Variants in TRPM8 observed in about 807,000 individuals in gnomAD.
The protein encoded by TRPM8 is TRPM8 cationic channel.
In TRPM8, 110 loss-of-function variants were observed where a neutral mutation model predicts 133.7. The ratio of observed to expected loss-of-function variants is 0.82; its 90% CI spans 0.70 to 0.96. The LOEUF (loss-of-function observed/expected upper bound fraction) is 0.96, where lower values mean the gene tolerates loss of function less well. Ranked by LOEUF, TRPM8 falls within the 40% of genes least tolerant of loss-of-function variation. The probability of loss-of-function intolerance (pLI) is 0.00; values close to 1 mark genes in which losing one functional copy is unlikely to be tolerated. For synonymous variants in TRPM8, 535 were observed against 532.3 expected, an observed-to-expected ratio of 1.01 and a Z score of -0.07; for missense variants, 1,291 against 1,379.5, an observed-to-expected ratio of 0.94 and a Z score of 1.02.
At chr2:233,947,399 C>T in intron 8 of TRPM8, 7 of 1,501,170 alleles carry the variant, frequency 4.7e-6, no homozygotes, top group Non-Finnish European at 6.3e-6. Flanking sequence ...GACAGTCAAC[C>T]TGCCAAAGAG....
intron 25 of TRPM8, 75 bp from the exon 26 acceptor site, chr2:234,017,224 A>G: frequency 2.2e-6 from 1 of 452,968 alleles, no homozygotes; most frequent in Non-Finnish European, 4.6e-6. Context: ...TATATTTTGA[A>G]GCAAACCATA....
At chr2:233,957,322 C>T (rs1325447815) in intron 11 of TRPM8, among the ~76,000 whole-genome samples, 1 of 138,114 alleles carries the variant, frequency 7.2e-6, no homozygotes, top group Non-Finnish European at 1.5e-5. Flanking sequence ...CCCACCTCTG[C>T]CCCCCCCAAA....
chr2:233,930,876 G>A (rs1005282406), intron 3 of TRPM8, 135 bp downstream of exon 3: 7 of 612,650 alleles, frequency 1.1e-5, no homozygotes, highest in East Asian at 8.2e-5. Context: ...CACTGTTTGC[G>A]CAGGAAGGAT....
At chr2:233,930,907 G>T (rs1012517556) in intron 3 of TRPM8, among the ~76,000 whole-genome samples, 166 bp downstream of exon 3, 1 of 152,180 alleles carries the variant, frequency 6.6e-6, no homozygotes, top group Non-Finnish European at 1.5e-5. Flanking sequence ...GCTTATAGTT[G>T]TTACTCAGAG....
At chr2:234,015,687 G>A (rs1323786257) in intron 25 of TRPM8, among the ~76,000 whole-genome samples, 2 of 152,154 alleles carry the variant, frequency 1.3e-5, no homozygotes, top group East Asian at 1.9e-4. Flanking sequence ...TATTATGGAG[G>A]GCTTTGTTAG....
intron 22 of TRPM8, among the ~76,000 whole-genome samples, chr2:234,004,596 G>A (rs936285926): frequency 1.3e-5 from 2 of 152,132 alleles, no homozygotes; most frequent in African/African-American, 4.8e-5. Flanking sequence ...TTCACTTTTG[G>A]TACTTTTTTT....
At chr2:234,014,744 T>C in intron 25 of TRPM8, 90 bp downstream of exon 25, 2 of 508,042 alleles carry the variant, frequency 3.9e-6, no homozygotes, top group Non-Finnish European at 6.8e-6. Context: ...TCAGTTATTT[T>C]ATTTCCATAA....
At chr2:233,927,708 CTCTT>C (rs1174628676) in intron 2 of TRPM8, among the ~76,000 whole-genome samples, 918 of 81,450 alleles carry the variant, frequency 0.011, 49 homozygotes, top group Non-Finnish European at 0.022. Context: ...CAGAGTCTGT[CTCTT>C]TCTTTCTTTC....
intron 11 of TRPM8, among the ~76,000 whole-genome samples, chr2:233,959,944 A>AT (rs536486454): frequency 0.087 from 11,793 of 134,848 alleles, 1,135 homozygotes; most frequent in African/African-American, 0.23. Flanking sequence ...ACCACACCTA[A>AT]TTTTTTTTTT....
chr2:234,000,062 G>A (rs183279148), intron 22 of TRPM8, among the ~76,000 whole-genome samples: 1 of 151,362 alleles, frequency 6.6e-6, no homozygotes, highest in Non-Finnish European at 1.5e-5. Context: ...TTCTTTCTGA[G>A]CAGCATCTGT....
At position 233,939,004 on chromosome 2, in the gene TRPM8, C is replaced by A. The variant is rs898326390; in HGVS notation, c.355C>A (p.Arg119Ser). ...TCTGCTTCTCTCCCCATAGTATATA[C>A]GTCTGTCCTGCGACACGGACGCGGA... ...ETLGKKGKYIRLSCDTDAEIL... is the reference protein window; with the variant it reads ...ETLGKKGKYISLSCDTDAEIL... The change falls in exon 5 of 26, where the codon CGT (arginine) becomes AGT (serine). Residue 119 changes from arginine (R) to serine (S), a missense_variant. Coordinates refer to ENST00000324695, the MANE Select transcript of TRPM8 (RefSeq NM_024080.5). The A allele has an allele frequency of 1.9e-6, 3 of 1,614,070 alleles. No homozygotes were observed. The highest frequency in any genetic ancestry group is 2.5e-6 in the Non-Finnish European group (3 of 1,180,040).
intron 24 of TRPM8, among the ~76,000 whole-genome samples, chr2:234,008,670 G>A (rs1224793757): frequency 2.6e-5 from 4 of 152,268 alleles, no homozygotes; most frequent in Non-Finnish European, 5.9e-5. Context: ...ATTCTATCAC[G>A]TTAGTTTGAG....
At chr2:233,991,441 C>T (rs141286725) in intron 21 of TRPM8, among the ~76,000 whole-genome samples, 20 of 152,248 alleles carry the variant, frequency 1.3e-4, no homozygotes, top group African/African-American at 2.2e-4. Context: ...TACACACCAG[C>T]GCATCAGAGA....
chr2:234,015,727 T>C (rs1298230357), intron 25 of TRPM8, among the ~76,000 whole-genome samples: 1 of 152,228 alleles, frequency 6.6e-6, no homozygotes, highest in African/African-American at 2.4e-5. Flanking sequence ...TGATGTAATC[T>C]GAAAGGGAGG....
intron 7 of TRPM8, 148 bp downstream of exon 7, chr2:233,946,178 A>C: frequency 1.3e-6 from 1 of 791,196 alleles, no homozygotes; most frequent in Non-Finnish European, 2.0e-6. Context: ...ATTTCTCTTA[A>C]TTTTTCCAAC....
chr2:233,990,432 T>C (rs1413689792), intron 21 of TRPM8, among the ~76,000 whole-genome samples: 1 of 152,212 alleles, frequency 6.6e-6, no homozygotes, highest in Non-Finnish European at 1.5e-5. Context: ...TATGGGAAAT[T>C]TGCATGATTA....
At chr2:233,971,086 T>C (rs2125227966) in intron 17 of TRPM8, among the ~76,000 whole-genome samples, 1 of 152,328 alleles carries the variant, frequency 6.6e-6, no homozygotes, top group Admixed American at 6.5e-5. Context: ...AGAAAATCTT[T>C]TCACACTTAG....
chr2:234,009,377 C>T (rs1692775268), intron 24 of TRPM8, among the ~76,000 whole-genome samples: 1 of 152,190 alleles, frequency 6.6e-6, no homozygotes, highest in African/African-American at 2.4e-5. Context: ...GCAAAAGCTT[C>T]CCCAAGCCAC....
chr2:233,999,512 G>A (rs962114987), intron 22 of TRPM8, among the ~76,000 whole-genome samples: 5 of 151,774 alleles, frequency 3.3e-5, no homozygotes, highest in South Asian at 2.2e-4. Context: ...AGAATCCGTG[G>A]CCCTGTTTGG....
Sources: gnomAD v4.1 joint callset for allele counts (sites outside exome capture counted in the v4.1 genomes callset) on GRCh38, gnomAD v4.1.1 for gene constraint, MANE v1.5 for transcripts, NCBI Gene and HGNC (gene_info 2026-07-23, HGNC 2026-07-21) for gene names.